MAGED1: variants seen among roughly 807,000 people sequenced by gnomAD.
The protein encoded by MAGED1 is melanoma-associated antigen D1.
In MAGED1, 3 loss-of-function variants were observed where a neutral mutation model predicts 54.1. The ratio of observed to expected loss-of-function variants is 0.06; its 90% CI spans 0.03 to 0.14. The LOEUF is 0.14. Ranked by LOEUF, MAGED1 falls within the 10% of genes least tolerant of loss-of-function variation. The pLI is 1.00. For missense variants in MAGED1, 485 were observed against 623.4 expected (o/e 0.78, Z 2.36); for synonymous variants, 217 against 227.3 (o/e 0.95, Z 0.41).
Position 51,896,749 on chromosome X carries a change from C to A in MAGED1, c.1094C>A (p.Pro365His). 8.3e-7 allele frequency: 1 copy of A among 1,211,949 alleles called. No individual in the cohort carries two copies. The highest frequency in any genetic ancestry group is 1.8e-5 in the South Asian group (1 of 56,944). ...CCAAACCCCATTGTCTGGCCCGGCCCTGTTGTCTGGCCGAATCCACTGGCC... is the reference window on the plus strand; with the variant it reads ...CCAAACCCCATTGTCTGGCCCGGCCATGTTGTCTGGCCGAATCCACTGGCC... ...IWPNPIVWPG[P>H]VVWPNPLAWQ... The change falls in exon 4 of 13, where the codon CCT (proline) becomes CAT (histidine). Residue 365 changes from proline (P) to histidine (H), a missense_variant. Physicochemically the swap from Pro to His is moderately conservative, Grantham distance 77. This residue lies in a region of MAGED1 where 299 missense variants were observed against 293.1 expected (regional missense o/e 1.02). Transcript: ENST00000326587.
intron 1 of MAGED1, among the ~76,000 whole-genome samples, chrX:51,862,088 C>T (rs1446463381): frequency 8.9e-6 from 1 of 111,753 alleles, no homozygotes; most frequent in East Asian, 2.8e-4. Context: ...TGTTTTCAAT[C>T]CTGAAAGCTT....
upstream of MAGED1, among the ~76,000 whole-genome samples, chrX:51,889,745 C>T (rs1201364099): frequency 1.8e-5 from 2 of 108,184 alleles, no homozygotes; most frequent in Non-Finnish European, 3.8e-5. Flanking sequence ...CCCCTAGAAA[C>T]TGGATTTTCT....
At chrX:51,814,393 C>G (rs1340796771) in intron 1 of MAGED1, among the ~76,000 whole-genome samples, 1 of 111,264 alleles carries the variant, frequency 9.0e-6, no homozygotes, top group Non-Finnish European at 1.9e-5. Flanking sequence ...TTAGTGGCAC[C>G]CCTGTAGCAT....
chrX:51,880,831 C>G (rs188892188), intron 1 of MAGED1, among the ~76,000 whole-genome samples: 27 of 111,394 alleles, frequency 2.4e-4, no homozygotes, highest in Admixed American at 2.3e-3. Context: ...CTTCATCTTC[C>G]TGTCCCTGTC....
chrX:51,811,966 A>G (rs1213101024), intron 1 of MAGED1, among the ~76,000 whole-genome samples: 1 of 110,518 alleles, frequency 9.0e-6, no homozygotes, highest in Non-Finnish European at 1.9e-5. Context: ...GATAATGAGA[A>G]CATGTAATTG....
chrX:51,898,897 G>A, intron 10 of MAGED1: 1 of 276,665 alleles, frequency 3.6e-6, no homozygotes, highest in South Asian at 8.9e-5. Flanking sequence ...CCAGCTACTT[G>A]GGAGGCTGAG....
chrX:51,852,855 T>C (rs1926946526), intron 1 of MAGED1, among the ~76,000 whole-genome samples: 1 of 111,784 alleles, frequency 8.9e-6, no homozygotes, highest in Non-Finnish European at 1.9e-5. Flanking sequence ...AAAAAACATG[T>C]CTGGGTCCTC....
In MAGED1 at chrX:51,902,187, T is replaced by C. The variant is rs376570677; in HGVS notation, c.*50T>C. The C allele has an allele frequency of 3.5e-6, 1 of 282,498 alleles. No homozygotes were observed. Among genetic ancestry groups the C allele is most frequent in the Non-Finnish European group, 6.2e-6 (1 of 160,825 alleles). 23.3% of individuals were successfully genotyped at this position (282,498 alleles called of 1,213,427 possible). On this transcript the variant is annotated 3_prime_UTR_variant, in exon 13 of 13. Coordinates refer to ENST00000326587, the MANE Select transcript of MAGED1 (RefSeq NM_006986.4). ...CAGTAGTCTTTCCCCTGTGTGAGGC[T>C]GAAGCCTCAGATTCCTTCTAAACAC...
intron 1 of MAGED1, among the ~76,000 whole-genome samples, chrX:51,807,399 C>T (rs1925070574): frequency 9.0e-6 from 1 of 111,034 alleles, no homozygotes; most frequent in Non-Finnish European, 1.9e-5. Context: ...TCAGTCTCTT[C>T]ATGGTGTCTT....
At chrX:51,885,055 G>A (rs917471149) in intron 1 of MAGED1, among the ~76,000 whole-genome samples, 2 of 112,019 alleles carry the variant, frequency 1.8e-5, no homozygotes, top group Non-Finnish European at 1.9e-5. Context: ...TCAGGAACAA[G>A]GTAAGTATTT....
At chrX:51,823,705 A>C (rs1925727651) in intron 1 of MAGED1, among the ~76,000 whole-genome samples, 1 of 110,996 alleles carries the variant, frequency 9.0e-6, no homozygotes. Context: ...TTGTTTTTCT[A>C]TTCTTACATT....
chrX:51,894,787 C>A, intron 2 of MAGED1: 1 of 1,144,288 alleles, frequency 8.7e-7, no homozygotes, highest in Non-Finnish European at 1.2e-6. Flanking sequence ...GGAGCGTCCC[C>A]GGCTCCTGTT....
intron 1 of MAGED1, among the ~76,000 whole-genome samples, chrX:51,819,780 T>C (rs1035488714): frequency 1.8e-5 from 2 of 111,868 alleles, no homozygotes; most frequent in Non-Finnish European, 3.8e-5. Flanking sequence ...TAGTGTCTTT[T>C]GAGTACAAAA....
chrX:51,892,224 CGT>C (rs1557363557), upstream of MAGED1, among the ~76,000 whole-genome samples: 1 of 112,904 alleles, frequency 8.9e-6, no homozygotes, highest in Non-Finnish European at 1.9e-5. Flanking sequence ...AGCATAGCAG[CGT>C]GTGTGTCCTT....
intron 1 of MAGED1, among the ~76,000 whole-genome samples, chrX:51,879,648 T>TA (rs1389693407): frequency 5.4e-5 from 6 of 111,858 alleles, no homozygotes; most frequent in Non-Finnish European, 3.8e-5. Flanking sequence ...TATTACTTGA[T>TA]ATTTCTTCTG....
Position 51,896,675 on chromosome X carries a change from C to T in MAGED1, c.1020C>T (p.Asn340=), listed in dbSNP as rs782291855. 3 of 1,212,054 alleles carry T rather than the reference C, an allele frequency of 2.5e-6. No individual in the cohort carries two copies. Among genetic ancestry groups the T allele is most frequent in the South Asian group, 3.5e-5 (2 of 56,990 alleles). The change falls in exon 4 of 13, where the codon AAC becomes AAT. Residue 340 remains asparagine (N), a synonymous_variant. Coordinates refer to ENST00000326587, the MANE Select transcript of MAGED1 (RefSeq NM_006986.4). Reference sequence around the variant, plus strand: ...GGCAGAACCCAGTCGCTTGGCAGAACCCAGTGATTTGGCCAAACCCAGTAA... The same window carrying T: ...GGCAGAACCCAGTCGCTTGGCAGAATCCAGTGATTTGGCCAAACCCAGTAA... The part of the protein sequence containing the change: ...PAWQNPVAWQ[N]PVIWPNPVIW...
chrX:51,869,150 G>A (rs1250647216), intron 1 of MAGED1, among the ~76,000 whole-genome samples: 1 of 111,312 alleles, frequency 9.0e-6, no homozygotes, highest in African/African-American at 3.3e-5. Context: ...TGGAGATGTG[G>A]ACTGTGTGTA....
At chrX:51,891,631 C>T (rs782314985), upstream of MAGED1, among the ~76,000 whole-genome samples, 9 of 112,265 alleles carry the variant, frequency 8.0e-5, no homozygotes, top group Non-Finnish European at 1.5e-4. Context: ...AAACAAAAAT[C>T]TGTCTCCCTA....
chrX:51,818,035 A>G (rs1557356226), intron 1 of MAGED1, among the ~76,000 whole-genome samples: 2 of 111,672 alleles, frequency 1.8e-5, no homozygotes, highest in African/African-American at 6.5e-5. Context: ...AAATTGCAAT[A>G]TGACACTAAT....
Sources: gnomAD v4.1 joint callset for allele counts (sites outside exome capture counted in the v4.1 genomes callset) on GRCh38, gnomAD v4.1.1 for gene constraint, gnomAD v4.1.1 regional missense constraint, MANE v1.5 for transcripts, NCBI Gene and HGNC (gene_info 2026-07-23, HGNC 2026-07-21) for gene names.